DNAH11: variants seen among roughly 807,000 people sequenced by gnomAD.
DNAH11 encodes axonemal beta dynein heavy chain 11.
In DNAH11, 442 loss-of-function variants were observed where a neutral mutation model predicts 526.0. The observed-to-expected ratio is 0.84, with a 90% CI of 0.78 to 0.91. The LOEUF (loss-of-function observed/expected upper bound fraction) is 0.91. DNAH11 is among the 40% of genes least tolerant of loss of function. The pLI is 0.00. For synonymous variants in DNAH11, 2,461 were observed against 1,935.9 expected (o/e 1.27, Z -7.12); for missense variants, 6,989 against 5,448.7 (o/e 1.28, Z -8.90).
chr7:21,748,436 C>A, intron 51 of DNAH11, 144 bp from the exon 52 acceptor site: 1 of 912,060 alleles, frequency 1.1e-6, no homozygotes, highest in Non-Finnish European at 1.4e-6. Context: ...CTGCAATGAG[C>A]CAAGATCGCG....
chr7:21,688,451 A>G (rs960206857), intron 34 of DNAH11, among the ~76,000 whole-genome samples: 1 of 152,136 alleles, frequency 6.6e-6, no homozygotes, highest in Admixed American at 6.5e-5. Flanking sequence ...TACTTTCTCT[A>G]TATTTTCTCC....
intron 48 of DNAH11, 63 bp from the exon 49 acceptor site, chr7:21,741,864 G>A: frequency 5.7e-6 from 9 of 1,568,798 alleles, no homozygotes; most frequent in Non-Finnish European, 7.8e-6. Context: ...AAAAAAATCA[G>A]GTCTTTGCAA....
chr7:21,687,004 A>G (rs1783401797), intron 32 of DNAH11, 95 bp from the exon 33 acceptor site: 22 of 1,180,158 alleles, frequency 1.9e-5, no homozygotes, highest in Non-Finnish European at 2.5e-5. Context: ...ATCACATTCT[A>G]GAGCTTCTTA....
rs112324701 is a variant in DNAH11, at chr7:21,766,489, C to G, written c.9102+900C>G. Among the ~76,000 whole-genome samples, 234 of 152,288 alleles carry G rather than the reference C, an allele frequency of 1.5e-3. 1 individual carries two copies. The highest frequency in any genetic ancestry group is 5.4e-3 in the African/African-American group (226 of 41,554). Reference sequence around the variant, plus strand: ...ACTGGAGATATGTGAGGAATGATGTCTGTTTCTAGTTGAAAGATTATCATG... The same window carrying G: ...ACTGGAGATATGTGAGGAATGATGTGTGTTTCTAGTTGAAAGATTATCATG... On this transcript the variant is annotated intron_variant, in intron 55 of 81. Coordinates refer to ENST00000409508, the MANE Select transcript of DNAH11 (RefSeq NM_001277115.2).
chr7:21,723,644 TA>T (rs1462609889), intron 44 of DNAH11, among the ~76,000 whole-genome samples: 2 of 152,156 alleles, frequency 1.3e-5, no homozygotes, highest in Non-Finnish European at 2.9e-5. Context: ...CCTTTAAGAT[TA>T]CATTTCAAAT....
intron 65 of DNAH11, among the ~76,000 whole-genome samples, chr7:21,828,252 C>G (rs934115001): frequency 2.6e-5 from 4 of 152,038 alleles, no homozygotes; most frequent in African/African-American, 9.7e-5. Flanking sequence ...CCTGGCCTAG[C>G]TTATGGATTT....
At chr7:21,625,405 T>G (rs1321588764) in intron 25 of DNAH11, among the ~76,000 whole-genome samples, 1 of 152,150 alleles carries the variant, frequency 6.6e-6, no homozygotes, top group Non-Finnish European at 1.5e-5. Flanking sequence ...CCTTCTTTCC[T>G]TAGTCTGGCT....
chr7:21,581,815 G>C, intron 8 of DNAH11, 90 bp from the exon 9 acceptor site: 1 of 768,406 alleles, frequency 1.3e-6, no homozygotes, highest in Non-Finnish European at 2.2e-6. Flanking sequence ...GCGAGCGAGA[G>C]AGAGCTAAAG....
intron 8 of DNAH11, among the ~76,000 whole-genome samples, chr7:21,578,328 C>T (rs1467366258): frequency 6.6e-6 from 1 of 152,202 alleles, no homozygotes; most frequent in Non-Finnish European, 1.5e-5. Flanking sequence ...AGTGTGAAAC[C>T]CACCAAGGCA....
chr7:21,847,338 T>A (rs866322486), intron 66 of DNAH11, among the ~76,000 whole-genome samples: 1 of 152,222 alleles, frequency 6.6e-6, no homozygotes, highest in Non-Finnish European at 1.5e-5. Flanking sequence ...AAATTTCCCT[T>A]TAACCACTGC....
chr7:21,648,942 G>A (rs2128463126), intron 28 of DNAH11, among the ~76,000 whole-genome samples: 1 of 152,166 alleles, frequency 6.6e-6, no homozygotes, highest in Admixed American at 6.5e-5. Flanking sequence ...GGGAAGATTG[G>A]TGAAAACATC....
At chr7:21,787,778 CT>C (rs1305504265) in intron 60 of DNAH11, among the ~76,000 whole-genome samples, 195 bp downstream of exon 60, 1 of 152,216 alleles carries the variant, frequency 6.6e-6, no homozygotes, top group African/African-American at 2.4e-5. Context: ...TAGAAACTAT[CT>C]TTTTTTGGGC....
intron 27 of DNAH11, 151 bp from the exon 28 acceptor site, chr7:21,638,788 A>C (rs1229136527): frequency 1.2e-6 from 1 of 844,680 alleles, no homozygotes; most frequent in African/African-American, 1.7e-5. Flanking sequence ...TAAGCAAGAT[A>C]GATGATGGTG....
At chr7:21,828,920 T>G (rs1164904741) in intron 65 of DNAH11, among the ~76,000 whole-genome samples, 1 of 152,130 alleles carries the variant, frequency 6.6e-6, no homozygotes, top group Non-Finnish European at 1.5e-5. Context: ...TTAACTCATT[T>G]CTATTCAGGG....
chr7:21,574,866 G>GTTTT (rs1784025117), intron 8 of DNAH11, among the ~76,000 whole-genome samples: 1 of 102,654 alleles, frequency 9.7e-6, no homozygotes, highest in Non-Finnish European at 2.0e-5. Context: ...ACTGCACTGG[G>GTTTT]CTTTTTTTTT....
Position 21,589,178 on chromosome 7 carries a change from TAAACCAGTAGAA to T in DNAH11, c.1974-24_1974-13del. The T allele has an allele frequency of 6.5e-7, 1 of 1,541,408 alleles. No individual in the cohort carries two copies. The highest frequency in any genetic ancestry group is 8.8e-7 in the Non-Finnish European group (1 of 1,137,918). On this transcript the variant is annotated intron_variant, in intron 11 of 81. Transcript: ENST00000409508. The stretch of plus-strand genomic sequence containing the variant: ...AGCGGAAATCTATCTAATATACGTA[TAAACCAGTAGAA>T]AAACCTTATTCCTACAGATTTTTGG...
intron 75 of DNAH11, 110 bp downstream of exon 75, chr7:21,881,003 G>A (rs1018294431): frequency 1.0e-6 from 1 of 994,864 alleles, no homozygotes; most frequent in East Asian, 2.7e-5. Context: ...TATTGAAATA[G>A]CTGACACTAT....
rs1334862278 is a variant in DNAH11 at position 21,842,570 on chromosome 7, G to A, written c.10718G>A (p.Cys3573Tyr). 1 of 1,613,926 alleles carries A rather than the reference G, an allele frequency of 6.2e-7. No homozygotes were observed. The highest frequency in any genetic ancestry group is 8.5e-7 in the Non-Finnish European group (1 of 1,179,854). ...GKYIRIGDKE[C>Y]EFNKNFRLIL... ...TATATCAGGATTGGAGATAAAGAAT[G>A]TGAATTTAACAAGAACTTTCGCCTT... The change falls in exon 66 of 82, where the codon TGT (cysteine) becomes TAT (tyrosine). Residue 3573 changes from cysteine to tyrosine, a missense_variant. By Grantham distance (194) the Cys-to-Tyr change is radical. Transcript: ENST00000409508.
At position 21,615,288 on chromosome 7, in the gene DNAH11, T is replaced by A. The variant is rs760965922; in HGVS notation, c.4011+16T>A. On this transcript the variant is annotated intron_variant, in intron 21 of 81. Coordinates refer to ENST00000409508, the MANE Select transcript of DNAH11 (RefSeq NM_001277115.2). ...TTATGTTCGAGTAAGATGTGCTTTTTCAAAACATGCTTTTTATTTAGTAGT... is the reference window on the plus strand; with the variant it reads ...TTATGTTCGAGTAAGATGTGCTTTTACAAAACATGCTTTTTATTTAGTAGT... The A allele has an allele frequency of 2.5e-6, 4 of 1,606,746 alleles. No homozygotes were observed. The highest frequency in any genetic ancestry group is 3.4e-6 in the Non-Finnish European group (4 of 1,175,906).
Sources: allele counts gnomAD v4.1 joint callset (sites outside exome capture counted in the v4.1 genomes callset), GRCh38; gene constraint gnomAD v4.1.1; transcripts MANE v1.5; gene names NCBI Gene and HGNC (gene_info 2026-07-23, HGNC 2026-07-21).